ADAM22: variants seen among roughly 807,000 people sequenced by gnomAD.
ADAM22 encodes disintegrin and metalloproteinase domain-containing protein 22.
A neutral mutation model predicts 144.6 loss-of-function variants in ADAM22; 65 were observed. The ratio of observed to expected loss-of-function variants is 0.45; its 90% confidence interval spans 0.37 to 0.55. ADAM22 has a LOEUF of 0.55. Ranked by LOEUF, ADAM22 falls within the 20% of genes least tolerant of loss-of-function variation. The pLI is 0.00. For missense variants in ADAM22, 974 were observed against 1,184.9 expected (o/e 0.82, Z 2.61); for synonymous variants, 391 against 412.6 (o/e 0.95, Z 0.63).
chr7:88,158,106 AT>A lies in ADAM22; in HGVS notation c.1907+2103del, dbSNP rs1417726008. 2.6e-5 allele frequency among the ~76,000 whole-genome samples: 4 copies of A among 152,280 alleles called. No individual in the cohort carries two copies. The East Asian group carries it at 7.7e-4, about 29-fold the overall frequency. Reference sequence around the variant, plus strand: ...GAAAAAAAGCAGGGTTGCAATCCTAATTTCAGACAAAACAGACTTTAAGCCA... The same window carrying A: ...GAAAAAAAGCAGGGTTGCAATCCTAATTCAGACAAAACAGACTTTAAGCCA... On this transcript the variant is annotated intron_variant, in intron 22 of 31. Transcript: ENST00000413139.
At chr7:88,127,395 G>A (rs983485804) in intron 8 of ADAM22, among the ~76,000 whole-genome samples, 1 of 151,846 alleles carries the variant, frequency 6.6e-6, no homozygotes, top group African/African-American at 2.4e-5. Context: ...AAAATGTTGG[G>A]ATTTGTTGAA....
At chr7:88,111,573 G>A (rs1171665576) in intron 5 of ADAM22, among the ~76,000 whole-genome samples, 1 of 152,078 alleles carries the variant, frequency 6.6e-6, no homozygotes, top group Non-Finnish European at 1.5e-5. Flanking sequence ...ACGGAGTTAA[G>A]TTTGAGTTTA....
At chr7:87,955,867 A>C (rs997068801) in intron 2 of ADAM22, among the ~76,000 whole-genome samples, 1 of 152,184 alleles carries the variant, frequency 6.6e-6, no homozygotes, top group Non-Finnish European at 1.5e-5. Context: ...GCTGCCTTGC[A>C]GTTTGATCTC....
intron 4 of ADAM22, among the ~76,000 whole-genome samples, chr7:88,094,909 A>G (rs1352020489): frequency 6.6e-6 from 1 of 152,220 alleles, no homozygotes; most frequent in African/African-American, 2.4e-5. Context: ...GGCTAGAAGG[A>G]CCTAAACTCA....
intron 31 of ADAM22, among the ~76,000 whole-genome samples, chr7:88,194,205 G>A (rs1490073116): frequency 6.6e-6 from 1 of 152,130 alleles, no homozygotes; most frequent in Non-Finnish European, 1.5e-5. Context: ...CTGCTAAATT[G>A]TCTGCATCCC....
At chr7:88,061,391 G>A (rs1563130921) in intron 3 of ADAM22, among the ~76,000 whole-genome samples, 1 of 152,124 alleles carries the variant, frequency 6.6e-6, no homozygotes, top group Non-Finnish European at 1.5e-5. Flanking sequence ...TCCATCAGAG[G>A]AATCGCTATC....
intron 3 of ADAM22, among the ~76,000 whole-genome samples, chr7:88,034,196 T>C (rs747227735): frequency 1.3e-5 from 2 of 152,194 alleles, no homozygotes; most frequent in Non-Finnish European, 2.9e-5. Flanking sequence ...GCCCACGGCA[T>C]GTACTGCTTG....
At chr7:87,962,706 C>G (rs577769525) in intron 2 of ADAM22, among the ~76,000 whole-genome samples, 1 of 151,952 alleles carries the variant, frequency 6.6e-6, no homozygotes, top group African/African-American at 2.4e-5. Flanking sequence ...ACCTTAGCCT[C>G]CCCAGTAGCT....
chr7:88,046,287 T>C (rs535064818), intron 3 of ADAM22, among the ~76,000 whole-genome samples: 1 of 152,244 alleles, frequency 6.6e-6, no homozygotes, highest in African/African-American at 2.4e-5. Context: ...TGATATCTCA[T>C]TGTGGTTTCA....
chr7:88,044,123 T>G (rs975610314), intron 3 of ADAM22, among the ~76,000 whole-genome samples: 2 of 152,244 alleles, frequency 1.3e-5, no homozygotes, highest in African/African-American at 4.8e-5. Flanking sequence ...TAAAATGATT[T>G]TCAAAATTGT....
chr7:88,178,293 C>T (rs935120239), intron 26 of ADAM22, among the ~76,000 whole-genome samples: 1 of 152,052 alleles, frequency 6.6e-6, no homozygotes, highest in East Asian at 1.9e-4. Flanking sequence ...TTTTCTTGCT[C>T]TTGTTAAATT....
At chr7:88,084,885 G>T (rs112132582) in intron 4 of ADAM22, among the ~76,000 whole-genome samples, 3 of 152,120 alleles carry the variant, frequency 2.0e-5, no homozygotes, top group Admixed American at 2.0e-4. Flanking sequence ...TGTTGACAGG[G>T]TTGGTTTCTG....
intron 2 of ADAM22, among the ~76,000 whole-genome samples, chr7:87,957,324 C>T (rs533875170): frequency 1.1e-4 from 16 of 152,212 alleles, no homozygotes; most frequent in African/African-American, 3.9e-4. Context: ...GTAAAACTTT[C>T]TTCAGTTTGT....
chr7:88,025,706 A>AT (rs1798872361), intron 3 of ADAM22, among the ~76,000 whole-genome samples: 1 of 151,914 alleles, frequency 6.6e-6, no homozygotes, highest in African/African-American at 2.4e-5. Context: ...TTGGTTCTCT[A>AT]TTTTTTTACA....
intron 4 of ADAM22, among the ~76,000 whole-genome samples, chr7:88,087,537 TG>T (rs753041352): frequency 6.6e-6 from 1 of 152,162 alleles, no homozygotes; most frequent in Non-Finnish European, 1.5e-5. Context: ...AGGTCAGGAA[TG>T]TGTGTAGATG....
rs1334646855 is a variant in ADAM22, at chr7:88,010,030, T to C, written c.323+31618T>C. Among the ~76,000 whole-genome samples the C allele has an allele frequency of 2.0e-4, 10 of 50,944 alleles. No homozygotes were observed. The East Asian group carries it at 8.1e-3, about 41-fold the overall frequency. The allele number at this position is 50,944 out of a possible 152,430, so 33.4% of individuals were successfully genotyped here. A position where few individuals can be genotyped will look rare whatever the true frequency, so the allele number is the denominator to read the frequency against. ...AACCCGTTATGGTTGAATTTCTCTC[T>C]TTTTTTTTTTCAAATATAAATAGAA... On this transcript the variant is annotated intron_variant, in intron 3 of 31. Transcript: ENST00000413139.
intron 3 of ADAM22, among the ~76,000 whole-genome samples, chr7:88,054,170 A>G (rs1046014417): frequency 2.6e-5 from 4 of 152,098 alleles, no homozygotes; most frequent in African/African-American, 9.7e-5. Flanking sequence ...TCATGTACAC[A>G]TGTTTTTATA....
chr7:88,190,441 A>G (rs1274191805), intron 30 of ADAM22, among the ~76,000 whole-genome samples: 1 of 152,008 alleles, frequency 6.6e-6, no homozygotes, highest in Non-Finnish European at 1.5e-5. Context: ...AGGCTGAGGC[A>G]GGAGAATCGC....
Position 88,196,643 on chromosome 7 carries a change from C to G in ADAM22, c.*152C>G, listed in dbSNP as rs78743901. 3.9e-6 allele frequency: 3 copies of G among 772,054 alleles called. No individual in the cohort carries two copies. The highest frequency in any genetic ancestry group is 6.4e-6 in the Non-Finnish European group (3 of 468,022). 47.8% of individuals were successfully genotyped at this position (772,054 alleles called of 1,614,324 possible). ...GAGGAGAGGAAGCGGAGTTTCACAT[C>G]TGGTTACCATTTTCTTTTTGTCATT... On this transcript the variant is annotated 3_prime_UTR_variant, in exon 32 of 32. Coordinates refer to ENST00000413139, the MANE Select transcript of ADAM22 (RefSeq NM_001324418.2).
Sources: allele counts gnomAD v4.1 joint callset (sites outside exome capture counted in the v4.1 genomes callset), GRCh38; gene constraint gnomAD v4.1.1; transcripts MANE v1.5; gene names NCBI Gene and HGNC (gene_info 2026-07-23, HGNC 2026-07-21).